TIAM2: variants seen among roughly 807,000 people sequenced by gnomAD.
The protein encoded by TIAM2 is rho guanine nucleotide exchange factor TIAM2.
In TIAM2, 80 loss-of-function variants were observed where a neutral mutation model predicts 152.9. That is an observed-to-expected ratio of 0.52 (90% CI 0.44 to 0.63). TIAM2 has a LOEUF of 0.63. Among genes scored for constraint, TIAM2 ranks in the 30% least tolerant of loss-of-function variants. The pLI is 0.00. For synonymous variants in TIAM2, 804 were observed against 838.0 expected, an observed-to-expected ratio of 0.96 and a Z score of 0.70; for missense variants, 1,965 against 2,120.1, an observed-to-expected ratio of 0.93 and a Z score of 1.44.
chr6:155,063,781 CAAA>C (rs56808026), intron 1 of TIAM2, among the ~76,000 whole-genome samples: 2 of 91,090 alleles, frequency 2.2e-5, no homozygotes, highest in Non-Finnish European at 2.0e-5. Flanking sequence ...GACTCTGTCT[CAAA>C]AAAAAAAAAA....
intron 22 of TIAM2, among the ~76,000 whole-genome samples, 184 bp from the exon 23 acceptor site, chr6:155,251,761 G>T (rs1403699386): frequency 1.3e-5 from 2 of 152,214 alleles, no homozygotes; most frequent in Non-Finnish European, 2.9e-5. Flanking sequence ...AAATAAGCAG[G>T]TGCTTCTGCA....
At chr6:155,005,259 C>A in intron 1 of TIAM2, 1 of 226,378 alleles carries the variant, frequency 4.4e-6, no homozygotes, top group Non-Finnish European at 9.6e-6. Flanking sequence ...GGAAGCAGGC[C>A]AGGCATCCTG....
At chr6:155,250,520 C>G in intron 21 of TIAM2, 1 of 1,534,064 alleles carries the variant, frequency 6.5e-7, no homozygotes, top group African/African-American at 1.4e-5. Context: ...AGTTTCAATG[C>G]TGGTGCTCTT....
chr6:155,102,336 A>G (rs1372289376), intron 2 of TIAM2, among the ~76,000 whole-genome samples: 1 of 152,176 alleles, frequency 6.6e-6, no homozygotes, highest in Non-Finnish European at 1.5e-5. Flanking sequence ...TTATTTATAG[A>G]TTAGAACATG....
rs764973044 is a variant in TIAM2, at chr6:155,179,110, C to T, written c.2595C>T (p.Cys865=). 1.2e-6 allele frequency: 2 copies of T among 1,613,998 alleles called. No individual in the cohort carries two copies. The highest frequency in any genetic ancestry group is 1.7e-6 in the Non-Finnish European group (2 of 1,179,940). Residue 865 remains cysteine (C), a synonymous_variant, in exon 11 of 27, where the codon TGC becomes TGT. Transcript: ENST00000682666. ...RKLVDDNVEY[C]IPAPYEYMQQ... is the part of the protein sequence containing the mutation. ...TAGTAGATGACAATGTTGAGTATTG[C>T]ATCCCTGCACCATATGAATATATGC...
At chr6:155,158,468 A>G (rs1780177714) in intron 7 of TIAM2, among the ~76,000 whole-genome samples, 2 of 152,170 alleles carry the variant, frequency 1.3e-5, no homozygotes, top group South Asian at 4.1e-4. Context: ...ACCTTCTCAG[A>G]GTGAGTTTTT....
rs1402241005 is a variant in TIAM2, at chr6:155,186,803, GA to G, written c.3064+3304del. Among the ~76,000 whole-genome samples, 1 of 152,114 alleles carries G rather than the reference GA, an allele frequency of 6.6e-6. No homozygotes were observed. Among genetic ancestry groups the G allele is most frequent in the Non-Finnish European group, 1.5e-5 (1 of 68,020 alleles). On this transcript the variant is annotated intron_variant, in intron 14 of 26. Coordinates refer to ENST00000682666, the MANE Select transcript of TIAM2 (RefSeq NM_012454.4). This position sits in a 1 kb window ranked among gnomAD's most constrained non-coding sequence, Gnocchi z 4.5. ...ATTTACGGAAATCAAAAATTTAAATGACTTTGAAAAACAGTTTTTAATACAA... is the reference window on the plus strand; with the variant it reads ...ATTTACGGAAATCAAAAATTTAAATGCTTTGAAAAACAGTTTTTAATACAA...
At chr6:155,202,281 G>T (rs1287510091) in intron 14 of TIAM2, among the ~76,000 whole-genome samples, 3 of 152,202 alleles carry the variant, frequency 2.0e-5, no homozygotes, top group South Asian at 4.2e-4. Context: ...TGCCTGGATG[G>T]CACAGTACAG....
At chr6:155,056,811 T>C (rs1049920375) in intron 1 of TIAM2, among the ~76,000 whole-genome samples, 3 of 151,884 alleles carry the variant, frequency 2.0e-5, no homozygotes, top group Admixed American at 6.6e-5. Context: ...AAGCCCATAT[T>C]CGATTCTCAT....
At chr6:155,053,356 C>G (rs1010976011) in intron 1 of TIAM2, among the ~76,000 whole-genome samples, 5 of 151,802 alleles carry the variant, frequency 3.3e-5, no homozygotes, top group African/African-American at 9.7e-5. Flanking sequence ...TGTCTCGTCA[C>G]GTTGCCTAGG....
chr6:155,058,462 C>T (rs895518778), intron 1 of TIAM2, among the ~76,000 whole-genome samples: 5 of 152,066 alleles, frequency 3.3e-5, no homozygotes, highest in African/African-American at 9.7e-5. Flanking sequence ...TTTGAGTCCC[C>T]GTCACTTGCC....
intron 2 of TIAM2, among the ~76,000 whole-genome samples, chr6:155,110,271 C>T (rs1778806399): frequency 6.6e-6 from 1 of 151,628 alleles, no homozygotes; most frequent in African/African-American, 2.4e-5. Context: ...CATACATTTC[C>T]TTTCCTCCCT....
intron 2 of TIAM2, among the ~76,000 whole-genome samples, chr6:155,098,062 T>C (rs1778458153): frequency 6.6e-6 from 1 of 152,220 alleles, no homozygotes; most frequent in African/African-American, 2.4e-5. Flanking sequence ...CATGCTCATT[T>C]GGTTGTTAGA....
intron 7 of TIAM2, among the ~76,000 whole-genome samples, chr6:155,152,002 G>A (rs995956059): frequency 6.6e-5 from 10 of 151,530 alleles, no homozygotes; most frequent in African/African-American, 9.7e-5. Flanking sequence ...CCGCCACCAC[G>A]CCCGGCTAAT....
At chr6:155,244,255 G>C (rs1783199648) in intron 17 of TIAM2, among the ~76,000 whole-genome samples, 176 bp downstream of exon 17, 1 of 152,218 alleles carries the variant, frequency 6.6e-6, no homozygotes, top group Admixed American at 6.5e-5. Context: ...GGCCTCGGCT[G>C]CATGACCCAG....
chr6:155,103,031 G>T (rs1778585145), intron 2 of TIAM2, among the ~76,000 whole-genome samples: 1 of 152,030 alleles, frequency 6.6e-6, no homozygotes, highest in Non-Finnish European at 1.5e-5. Flanking sequence ...CTTTGCCAAG[G>T]AATTTAATTT....
chr6:155,136,181 C>T (rs1157088294), intron 4 of TIAM2, among the ~76,000 whole-genome samples: 6 of 134,736 alleles, frequency 4.5e-5, no homozygotes, highest in Middle Eastern at 8.8e-3. Flanking sequence ...GCAATGAGAG[C>T]GAAACTCCAT....
At position 155,174,449 on chromosome 6, in the gene TIAM2, C is replaced by T. The variant is rs2115124143; in HGVS notation, c.2362-2367C>T. 6.6e-6 allele frequency among the ~76,000 whole-genome samples: 1 copy of T among 152,136 alleles called. No homozygotes were observed. Among genetic ancestry groups the T allele is most frequent in the Admixed American group, 6.5e-5 (1 of 15,282 alleles). ...GCAGTGGCACGATCTTGGCTCACTG[C>T]AACCTCTGCCTCCCAGGTTCAAGCT... is the stretch of plus-strand genomic sequence containing the variant. On this transcript the variant is annotated intron_variant, in intron 9 of 26. Transcript: ENST00000682666. This position sits in a 1 kb window ranked among gnomAD's most constrained non-coding sequence, Gnocchi z 4.2.
At chr6:155,121,366 T>C (rs1779145940) in intron 2 of TIAM2, among the ~76,000 whole-genome samples, 1 of 152,224 alleles carries the variant, frequency 6.6e-6, no homozygotes, top group Non-Finnish European at 1.5e-5. Flanking sequence ...TTAGATGGTT[T>C]CACATATGTT....
Sources: gnomAD v4.1 joint callset for allele counts (sites outside exome capture counted in the v4.1 genomes callset) on GRCh38, gnomAD v4.1.1 for gene constraint, Gnocchi (gnomAD v3.1) non-coding constraint, MANE v1.5 for transcripts, NCBI Gene and HGNC (gene_info 2026-07-23, HGNC 2026-07-21) for gene names.